Variants in INPP5A observed in about 807,000 individuals in gnomAD.
INPP5A encodes inositol polyphosphate-5-phosphatase A.
INPP5A carries 14 observed loss-of-function variants against 65.2 expected under a neutral mutation model. The observed-to-expected ratio is 0.21, with a 90% CI of 0.14 to 0.34. The LOEUF (loss-of-function observed/expected upper bound fraction) is 0.34. Among genes scored for constraint, INPP5A ranks in the 10% least tolerant of loss-of-function variants. The pLI, the probability that INPP5A is intolerant of heterozygous loss-of-function variation, is 1.00. For missense variants in INPP5A, 431 were observed against 545.6 expected (o/e 0.79, Z 2.09); for synonymous variants, 207 against 208.3 (o/e 0.99, Z 0.05).
chr10:132,780,959 G>A (rs1052534593), intron 14 of INPP5A, 42 bp downstream of exon 14: 1 of 1,479,318 alleles, frequency 6.8e-7, no homozygotes. Flanking sequence ...GGGGGACCAA[G>A]GGGAAGCTAG....
At chr10:132,645,513 G>C (rs1410691912) in intron 2 of INPP5A, among the ~76,000 whole-genome samples, 1 of 152,246 alleles carries the variant, frequency 6.6e-6, no homozygotes, top group East Asian at 1.9e-4. Context: ...TTCCTGGTGA[G>C]ATTGTGACCA....
At position 132,546,678 on chromosome 10, in the gene INPP5A, G is replaced by A. The variant is rs2133247478; in HGVS notation, c.75+8507G>A. 6.6e-6 allele frequency among the ~76,000 whole-genome samples: 1 copy of A among 152,274 alleles called. No individual in the cohort carries two copies. Among genetic ancestry groups the A allele is most frequent in the East Asian group, 1.9e-4 (1 of 5,168 alleles). ...CTCTGTGTGGGGTCTCCTGGCTCCT[G>A]CAGATCTGTGTAGCCTGCACTGAAC... On this transcript the variant is annotated intron_variant, in intron 1 of 15. Transcript: ENST00000368594. This position sits in a 1 kb window ranked among gnomAD's most constrained non-coding sequence, Gnocchi z 5.7.
Position 132,737,634 on chromosome 10 carries a change from C to T in INPP5A, c.732+10729C>T, listed in dbSNP as rs186107116. Among the ~76,000 whole-genome samples the T allele has an allele frequency of 1.1e-4, 16 of 152,308 alleles. No individual in the cohort carries two copies. The East Asian group carries it at 2.1e-3, about 20-fold the overall frequency. On this transcript the variant is annotated intron_variant, in intron 9 of 15. Transcript: ENST00000368594. ...CCTGCCAGCTCCTCAGCCACAGGGA[C>T]GCCCTTCCCTGAGGGTGGAGGTCAG...
intron 1 of INPP5A, among the ~76,000 whole-genome samples, chr10:132,593,075 T>A (rs893994362): frequency 6.6e-6 from 1 of 152,256 alleles, no homozygotes; most frequent in Non-Finnish European, 1.5e-5. Flanking sequence ...GACTGCCCTC[T>A]GCTTACAGCC....
Position 132,741,727 on chromosome 10 carries a change from CGCTTGCTTT to C in INPP5A, c.733-7789_733-7781del, listed in dbSNP as rs1304074174. On this transcript the variant is annotated intron_variant, in intron 9 of 15. Transcript: ENST00000368594. The surrounding 1 kb of genome is among the most constrained non-coding windows in gnomAD (Gnocchi z 4.4). ...TGAGGTGGACGTCAGTATCTGTGTC[CGCTTGCTTT>C]ACTCAATAGCCGACGTAAACTGAGG... Among the ~76,000 whole-genome samples, 2 of 58,628 alleles carry C rather than the reference CGCTTGCTTT, an allele frequency of 3.4e-5. No homozygotes were observed. Among genetic ancestry groups the C allele is most frequent in the Admixed American group, 2.1e-4 (1 of 4,720 alleles). 38.5% of individuals were successfully genotyped at this position (58,628 alleles called of 152,430 possible).
rs1408197875 is a variant in INPP5A, at chr10:132,705,582, G to A, written c.475-2731G>A. On this transcript the variant is annotated intron_variant, in intron 6 of 15. Coordinates refer to ENST00000368594, the MANE Select transcript of INPP5A (RefSeq NM_005539.5). The surrounding 1 kb of genome is among the most constrained non-coding windows in gnomAD (Gnocchi z 4.9). ...CCAGGCCGGGAGGAGTGTACAGGAA[G>A]TCTCTGTACCTTATGCTCAATTCTT... Among the ~76,000 whole-genome samples, 1 of 152,250 alleles carries A rather than the reference G, an allele frequency of 6.6e-6. No homozygotes were observed. Among genetic ancestry groups the A allele is most frequent in the African/African-American group, 2.4e-5 (1 of 41,468 alleles).
intron 9 of INPP5A, among the ~76,000 whole-genome samples, chr10:132,733,768 G>A (rs1225266808): frequency 1.3e-5 from 2 of 152,138 alleles, no homozygotes; most frequent in East Asian, 3.8e-4. Context: ...CTCCGTGTGT[G>A]AACAAGCTGA....
chr10:132,553,557 G>A (rs1478643733), intron 1 of INPP5A, among the ~76,000 whole-genome samples: 7 of 142,310 alleles, frequency 4.9e-5, no homozygotes, highest in East Asian at 2.3e-4. Context: ...ATTGGTGAAC[G>A]CCTTCTCAGA....
intron 13 of INPP5A, chr10:132,778,015 A>T: frequency 8.5e-7 from 1 of 1,176,670 alleles, no homozygotes; most frequent in Non-Finnish European, 1.2e-6. Flanking sequence ...GGCCATGGGC[A>T]GCCAGCGTCA....
chr10:132,640,306 G>A (rs1324769729), intron 2 of INPP5A, among the ~76,000 whole-genome samples: 1 of 152,258 alleles, frequency 6.6e-6, no homozygotes, highest in Admixed American at 6.5e-5. Flanking sequence ...TGTCACACAT[G>A]TGTGTGTTTG....
intron 1 of INPP5A, among the ~76,000 whole-genome samples, chr10:132,591,978 C>T (rs555417008): frequency 6.6e-6 from 1 of 152,232 alleles, no homozygotes; most frequent in South Asian, 2.1e-4. Flanking sequence ...TGGGATGTTT[C>T]GAATCCACGT....
intron 12 of INPP5A, among the ~76,000 whole-genome samples, chr10:132,777,100 G>A (rs757366861): frequency 2.0e-5 from 3 of 152,188 alleles, no homozygotes; most frequent in Non-Finnish European, 4.4e-5. Flanking sequence ...CAGACCCGCA[G>A]AGGGCGTGGG....
At chr10:132,679,806 C>A (rs1156759277) in intron 4 of INPP5A, among the ~76,000 whole-genome samples, 1 of 152,192 alleles carries the variant, frequency 6.6e-6, no homozygotes, top group Non-Finnish European at 1.5e-5. Flanking sequence ...AGGGGACAGC[C>A]AGGAGGCACC....
chr10:132,652,075 A>C (rs1483134750), intron 4 of INPP5A, among the ~76,000 whole-genome samples: 1 of 149,628 alleles, frequency 6.7e-6, no homozygotes, highest in Non-Finnish European at 1.5e-5. Flanking sequence ...CCTCCCTACC[A>C]GCTTCTTTCT....
chr10:132,597,105 ATG>A (rs2071712310), intron 1 of INPP5A, among the ~76,000 whole-genome samples: 1 of 142,314 alleles, frequency 7.0e-6, no homozygotes, highest in South Asian at 2.3e-4. Flanking sequence ...ATGTGTTTGC[ATG>A]TGTGTGCATG....
Position 132,741,797 on chromosome 10 carries a change from A to G in INPP5A, c.733-7720A>G, listed in dbSNP as rs1846277744. Reference sequence around the variant, plus strand: ...TGTCCGCGTCCGCTTGCTTTACTCAATAGCCGACGTAAACTGAGGTGGACG... The same window carrying G: ...TGTCCGCGTCCGCTTGCTTTACTCAGTAGCCGACGTAAACTGAGGTGGACG... On this transcript the variant is annotated intron_variant, in intron 9 of 15. Transcript: ENST00000368594. This position sits in a 1 kb window ranked among gnomAD's most constrained non-coding sequence, Gnocchi z 4.4. 6.7e-6 allele frequency among the ~76,000 whole-genome samples: 1 copy of G among 150,004 alleles called. No homozygotes were observed. Among genetic ancestry groups the G allele is most frequent in the South Asian group, 2.1e-4 (1 of 4,696 alleles).
chr10:132,682,733 C>T (rs2073063043), intron 4 of INPP5A, among the ~76,000 whole-genome samples: 1 of 152,104 alleles, frequency 6.6e-6, no homozygotes, highest in African/African-American at 2.4e-5. Flanking sequence ...GTGGAAGGCA[C>T]GTGTCTGCCA....
At chr10:132,590,174 C>T (rs2814449) in intron 1 of INPP5A, among the ~76,000 whole-genome samples, 1 of 151,992 alleles carries the variant, frequency 6.6e-6, no homozygotes, top group Non-Finnish European at 1.5e-5. Flanking sequence ...GCCAGGGATG[C>T]GGCCTCCTGC....
intron 2 of INPP5A, among the ~76,000 whole-genome samples, chr10:132,642,357 G>A (rs1025186634): frequency 4.6e-5 from 7 of 152,190 alleles, no homozygotes; most frequent in African/African-American, 1.4e-4. Flanking sequence ...CACGCGGTTC[G>A]CCGGCCATCC....
Sources: allele counts gnomAD v4.1 joint callset (sites outside exome capture counted in the v4.1 genomes callset), GRCh38; gene constraint gnomAD v4.1.1; non-coding constraint Gnocchi (gnomAD v3.1); transcripts MANE v1.5; gene names NCBI Gene and HGNC (gene_info 2026-07-23, HGNC 2026-07-21).